SPAG16: variants seen among roughly 807,000 people sequenced by gnomAD.
The protein encoded by SPAG16 is sperm-associated antigen 16 protein.
A neutral mutation model predicts 80.4 loss-of-function variants in SPAG16; 86 were observed. The observed-to-expected ratio is 1.07, with a 90% confidence interval of 0.90 to 1.28. The LOEUF is 1.28. SPAG16 is among the 50% of genes most tolerant of loss of function. The probability of loss-of-function intolerance (pLI) is 0.00; values close to 1 mark genes in which losing one functional copy is unlikely to be tolerated. For synonymous variants in SPAG16, 294 were observed against 265.9 expected (o/e 1.11, Z -1.03); for missense variants, 870 against 765.3 (o/e 1.14, Z -1.61).
chr2:214,253,364 A>T (rs894343970), intron 15 of SPAG16, among the ~76,000 whole-genome samples: 2 of 152,120 alleles, frequency 1.3e-5, no homozygotes, highest in African/African-American at 4.8e-5. Flanking sequence ...TGTTTTAGTC[A>T]TGAAGTGTTT....
intron 10 of SPAG16, among the ~76,000 whole-genome samples, chr2:213,549,520 A>G (rs1044911844): frequency 4.6e-5 from 7 of 152,138 alleles, no homozygotes; most frequent in Admixed American, 1.3e-4. Flanking sequence ...AAAATATCTT[A>G]GTTTCTTCAC....
chr2:214,107,694 C>T (rs1047577454), intron 13 of SPAG16, among the ~76,000 whole-genome samples: 2 of 152,012 alleles, frequency 1.3e-5, no homozygotes, highest in African/African-American at 2.4e-5. Context: ...TTAAAAATGC[C>T]ACTGTATATA....
chr2:214,199,706 A>T (rs1342048608), intron 15 of SPAG16, among the ~76,000 whole-genome samples: 2 of 152,180 alleles, frequency 1.3e-5, no homozygotes, highest in African/African-American at 4.8e-5. Context: ...GGTCATTTTC[A>T]CAATATTGTA....
intron 11 of SPAG16, among the ~76,000 whole-genome samples, chr2:213,908,760 C>CTT (rs34929055): frequency 1.2e-4 from 18 of 146,088 alleles, no homozygotes; most frequent in Admixed American, 2.0e-4. Context: ...TTTTTTTTGT[C>CTT]TTTTTTTTTC....
intron 15 of SPAG16, among the ~76,000 whole-genome samples, chr2:214,297,967 A>G (rs1458096684): frequency 1.3e-5 from 2 of 151,380 alleles, no homozygotes; most frequent in African/African-American, 4.8e-5. Context: ...TTCAGTTCCA[A>G]AAGCATGGAA....
chr2:213,802,229 C>G (rs553766363), intron 10 of SPAG16, among the ~76,000 whole-genome samples: 1 of 152,298 alleles, frequency 6.6e-6, no homozygotes, highest in Non-Finnish European at 1.5e-5. Flanking sequence ...ATTATCTCCT[C>G]TGTGGTCAGA....
chr2:213,437,709 G>A (rs2070725446), intron 9 of SPAG16, among the ~76,000 whole-genome samples: 1 of 152,112 alleles, frequency 6.6e-6, no homozygotes. Context: ...CATACTCAGA[G>A]AAACATGGAT....
At chr2:214,324,024 G>A (rs971964051) in intron 15 of SPAG16, among the ~76,000 whole-genome samples, 1 of 152,142 alleles carries the variant, frequency 6.6e-6, no homozygotes, top group Non-Finnish European at 1.5e-5. Flanking sequence ...AATTAGAAAA[G>A]AATCTGCTAT....
chr2:214,128,165 A>C (rs2054587881), intron 14 of SPAG16, among the ~76,000 whole-genome samples: 1 of 151,860 alleles, frequency 6.6e-6, no homozygotes, highest in East Asian at 1.9e-4. Flanking sequence ...TGTTCAGAAG[A>C]AAATAAGCTG....
At chr2:214,114,809 G>T (rs2053853112) in intron 14 of SPAG16, among the ~76,000 whole-genome samples, 1 of 152,154 alleles carries the variant, frequency 6.6e-6, no homozygotes, top group Admixed American at 6.5e-5. Flanking sequence ...TCTGTGGGCT[G>T]CACCCACTGT....
chr2:213,520,074 G>GCA (rs552373724), intron 10 of SPAG16, among the ~76,000 whole-genome samples: 5 of 143,208 alleles, frequency 3.5e-5, no homozygotes, highest in Non-Finnish European at 7.9e-5. Flanking sequence ...AGGAGAGAGA[G>GCA]AGAGCAAGAG....
At chr2:213,965,837 A>G (rs933745142) in intron 12 of SPAG16, among the ~76,000 whole-genome samples, 3 of 152,198 alleles carry the variant, frequency 2.0e-5, no homozygotes, top group African/African-American at 7.2e-5. Flanking sequence ...ACTTCTCCGA[A>G]GAACAGCTTC....
intron 10 of SPAG16, among the ~76,000 whole-genome samples, chr2:213,717,455 C>G (rs922197644): frequency 6.6e-6 from 1 of 152,148 alleles, no homozygotes; most frequent in Non-Finnish European, 1.5e-5. Flanking sequence ...CCACTGCGCC[C>G]GGCAAAAGTA....
At chr2:213,986,074 C>T (rs549771075) in intron 12 of SPAG16, among the ~76,000 whole-genome samples, 95 of 152,018 alleles carry the variant, frequency 6.2e-4, no homozygotes, top group African/African-American at 2.2e-3. Flanking sequence ...GAGTAGTAGA[C>T]GCTTAAAGAA....
chr2:213,824,501 C>T (rs566401938), intron 10 of SPAG16, among the ~76,000 whole-genome samples: 2 of 152,132 alleles, frequency 1.3e-5, no homozygotes, highest in Non-Finnish European at 2.9e-5. Flanking sequence ...AGAGATTTTC[C>T]TTTCGCCTTT....
At chr2:213,938,564 C>A (rs1046809757) in intron 12 of SPAG16, among the ~76,000 whole-genome samples, 1 of 151,812 alleles carries the variant, frequency 6.6e-6, no homozygotes, top group Admixed American at 6.6e-5. Flanking sequence ...GACTCCAAAA[C>A]CAAGCTTGTT....
intron 13 of SPAG16, among the ~76,000 whole-genome samples, chr2:214,076,418 C>A (rs2051074532): frequency 6.6e-6 from 1 of 151,948 alleles, no homozygotes; most frequent in African/African-American, 2.4e-5. Context: ...TAAATTCAAT[C>A]ATTAAAATAA....
chr2:214,028,117 A>G (rs1248799517), intron 13 of SPAG16, among the ~76,000 whole-genome samples: 2 of 151,914 alleles, frequency 1.3e-5, no homozygotes, highest in Non-Finnish European at 2.9e-5. Flanking sequence ...CTGTGCCTAA[A>G]TTACTTTACT....
At chr2:213,366,619 G>GAA (rs2125140142) in intron 8 of SPAG16, among the ~76,000 whole-genome samples, 2 of 152,096 alleles carry the variant, frequency 1.3e-5, no homozygotes, top group South Asian at 4.1e-4. Context: ...GGGAAAACCC[G>GAA]CCTCCATGAT....
Sources: allele counts gnomAD v4.1 joint callset (sites outside exome capture counted in the v4.1 genomes callset), GRCh38; gene constraint gnomAD v4.1.1; transcripts MANE v1.5; gene names NCBI Gene and HGNC (gene_info 2026-07-23, HGNC 2026-07-21).